The following MAP4 variants were observed in gnomAD, a reference collection of about 807,000 sequenced individuals.
The protein encoded by MAP4 is microtubule associated protein 4.
MAP4 carries 76 observed loss-of-function variants against 170.2 expected under a neutral mutation model. The ratio of observed to expected loss-of-function variants is 0.45; its 90% CI spans 0.37 to 0.54. The LOEUF (loss-of-function observed/expected upper bound fraction) is 0.54. MAP4 is among the 20% of genes least tolerant of loss of function. The pLI, the probability that MAP4 is intolerant of heterozygous loss-of-function variation, is 0.00. For synonymous variants in MAP4, 909 were observed against 994.5 expected, an observed-to-expected ratio of 0.91 and a Z score of 1.62; for missense variants, 2,506 against 2,748.0, an observed-to-expected ratio of 0.91 and a Z score of 1.97.
At position 47,852,427 on chromosome 3, in the gene MAP4, G is replaced by A. The variant is rs2044225801; in HGVS notation, c.*507C>T. 4.4e-6 allele frequency: 1 copy of A among 229,204 alleles called. No homozygotes were observed. The highest frequency in any genetic ancestry group is 9.8e-5 in the East Asian group (1 of 10,184). 14.2% of individuals were successfully genotyped at this position (229,204 alleles called of 1,614,324 possible). The stretch of plus-strand genomic sequence containing the variant: ...ACCAGAGGGAGAGGCAGTGGCTTAA[G>A]CTCCACGGTCAGCGTCCTGTCACCA... On this transcript the variant is annotated 3_prime_UTR_variant, in exon 21 of 21. Transcript: ENST00000683076.
Position 47,952,118 on chromosome 3 carries a change from T to C in MAP4, c.293-23768A>G, listed in dbSNP as rs1366657716. ...GTGAGGAGACCCTCCGCCCGGCAGCTGCCCCGTCTGAGAAGTGAGGAGCCC... is the reference window on the plus strand; with the variant it reads ...GTGAGGAGACCCTCCGCCCGGCAGCCGCCCCGTCTGAGAAGTGAGGAGCCC... On this transcript the variant is annotated intron_variant, in intron 3 of 20. Transcript: ENST00000683076. Among the ~76,000 whole-genome samples the C allele has an allele frequency of 3.7e-3, 435 of 117,706 alleles. 1 individual carries two copies. Among genetic ancestry groups the C allele is most frequent in the African/African-American group, 0.014 (411 of 29,720 alleles). The allele number at this position is 117,706 out of a possible 152,430, so 77.2% of individuals were successfully genotyped here.
At chr3:48,055,379 T>A (rs1371057531) in intron 1 of MAP4, among the ~76,000 whole-genome samples, 1 of 152,066 alleles carries the variant, frequency 6.6e-6, no homozygotes. Context: ...CACGCCTGAT[T>A]GGTTTTGGTG....
chr3:48,086,358 C>T (rs1024096437), intron 1 of MAP4, among the ~76,000 whole-genome samples: 5 of 151,982 alleles, frequency 3.3e-5, no homozygotes, highest in Admixed American at 1.3e-4. Flanking sequence ...AATAAATGGC[C>T]GGGCATGGTG....
intron 1 of MAP4, among the ~76,000 whole-genome samples, chr3:48,046,729 C>G (rs1324015688): frequency 6.6e-6 from 1 of 152,200 alleles, no homozygotes; most frequent in Admixed American, 6.5e-5. Flanking sequence ...CCTATCCTTT[C>G]TTTTCCTCTG....
In MAP4 at chr3:47,852,477, C is replaced by CTCCAGGTAGA; in HGVS notation, c.*447_*456dup. The CTCCAGGTAGA allele has an allele frequency of 2.9e-6, 1 of 347,296 alleles. No individual in the cohort carries two copies. The highest frequency in any genetic ancestry group is 5.3e-6 in the Non-Finnish European group (1 of 190,292). The allele number at this position is 347,296 out of a possible 1,614,324, so 21.5% of individuals were successfully genotyped here. On this transcript the variant is annotated 3_prime_UTR_variant, in exon 21 of 21. Coordinates refer to ENST00000683076, the MANE Select transcript of MAP4 (RefSeq NM_001385682.1). Reference sequence around the variant, plus strand: ...ACTCGGAATCCACCTCCACTCTTCCCTCCAGGTAGATCCAGGGAGAAGGGA... The same window carrying CTCCAGGTAGA: ...ACTCGGAATCCACCTCCACTCTTCCCTCCAGGTAGATCCAGGTAGATCCAGGGAGAAGGGA...
chr3:48,053,838 T>C (rs1262454013), intron 1 of MAP4, among the ~76,000 whole-genome samples: 1 of 152,182 alleles, frequency 6.6e-6, no homozygotes, highest in Non-Finnish European at 1.5e-5. Context: ...AGCAAAAAGT[T>C]CATGAGTAGT....
At chr3:47,955,798 G>C (rs1048256985) in intron 3 of MAP4, among the ~76,000 whole-genome samples, 12 of 152,152 alleles carry the variant, frequency 7.9e-5, no homozygotes, top group Non-Finnish European at 1.5e-4. Flanking sequence ...AGCAAGAAAA[G>C]ATTCTATAGC....
At chr3:48,020,997 A>C (rs1295113987), upstream of MAP4, among the ~76,000 whole-genome samples, 1 of 152,222 alleles carries the variant, frequency 6.6e-6, no homozygotes, top group Non-Finnish European at 1.5e-5. Context: ...CAGTAAGGGT[A>C]ATCATGACAC....
At chr3:48,043,454 CA>C (rs2100122723) in intron 1 of MAP4, among the ~76,000 whole-genome samples, 1 of 151,698 alleles carries the variant, frequency 6.6e-6, no homozygotes, top group Non-Finnish European at 1.5e-5. Flanking sequence ...TATATCTCAA[CA>C]AAACTGTTAC....
At chr3:48,048,409 A>G (rs1452499264) in intron 1 of MAP4, among the ~76,000 whole-genome samples, 1 of 152,028 alleles carries the variant, frequency 6.6e-6, no homozygotes, top group Non-Finnish European at 1.5e-5. Context: ...GTATTTAAGA[A>G]CCAAGTAAAG....
chr3:48,075,974 C>CAAA (rs60556044), intron 1 of MAP4, among the ~76,000 whole-genome samples: 1 of 47,552 alleles, frequency 2.1e-5, no homozygotes, highest in Non-Finnish European at 4.3e-5. Flanking sequence ...AACTCCATCT[C>CAAA]AAAAAAAAAA....
intron 2 of MAP4, among the ~76,000 whole-genome samples, chr3:47,992,699 T>G (rs377672293): frequency 4.6e-5 from 7 of 152,222 alleles, no homozygotes; most frequent in Non-Finnish European, 7.4e-5. Flanking sequence ...TCAAAATAAC[T>G]CATACTCCAG....
At chr3:47,956,586 T>A (rs1189766497) in intron 3 of MAP4, among the ~76,000 whole-genome samples, 1 of 152,148 alleles carries the variant, frequency 6.6e-6, no homozygotes, top group Non-Finnish European at 1.5e-5. Flanking sequence ...AGTTAGGAAC[T>A]TGGAAGGAAA....
chr3:47,977,768 A>G (rs6770477), intron 3 of MAP4, 97 bp downstream of exon 3: 551,247 of 832,070 alleles, frequency 0.66, 185,297 homozygotes, highest in East Asian at 0.73. Flanking sequence ...GAAATAATTC[A>G]TATGCTTCCA....
At chr3:47,919,923 T>C (rs2100041856) in intron 5 of MAP4, among the ~76,000 whole-genome samples, 2 of 151,666 alleles carry the variant, frequency 1.3e-5, no homozygotes, top group Admixed American at 1.3e-4. Context: ...AGTTTTGTTG[T>C]TGTTGTTGTT....
At chr3:48,028,922 C>T (rs778721886) in intron 1 of MAP4, among the ~76,000 whole-genome samples, 1 of 151,896 alleles carries the variant, frequency 6.6e-6, no homozygotes, top group South Asian at 2.1e-4. Context: ...GCGGGCAGAT[C>T]GCTTGAGCCC....
intron 1 of MAP4, among the ~76,000 whole-genome samples, chr3:48,053,769 T>C (rs1308444267): frequency 2.0e-5 from 3 of 152,276 alleles, no homozygotes; most frequent in Admixed American, 2.0e-4. Context: ...TACAACCTGA[T>C]TGATACCAAA....
intron 1 of MAP4, among the ~76,000 whole-genome samples, chr3:48,000,221 CAAAAAAAA>C (rs530513032): frequency 7.0e-4 from 56 of 79,890 alleles, no homozygotes; most frequent in Admixed American, 1.2e-3. Context: ...ACTCCCCCAT[CAAAAAAAA>C]AAAAAAAAAA....
intron 10 of MAP4, among the ~76,000 whole-genome samples, chr3:47,878,343 T>G (rs983976633): frequency 6.6e-6 from 1 of 152,136 alleles, no homozygotes; most frequent in African/African-American, 2.4e-5. Flanking sequence ...GAAAAAATAC[T>G]TGACCCTCAT....
Sources: allele counts gnomAD v4.1 joint callset (sites outside exome capture counted in the v4.1 genomes callset), GRCh38; gene constraint gnomAD v4.1.1; transcripts MANE v1.5; gene names NCBI Gene and HGNC (gene_info 2026-07-23, HGNC 2026-07-21).